Variants in PLLP observed in about 807,000 individuals in gnomAD.
PLLP encodes plasma membrane proteolipid (plasmolipin).
A neutral mutation model predicts 19.7 loss-of-function variants in PLLP; 15 were observed. The ratio of observed to expected loss-of-function variants is 0.76; its 90% confidence interval spans 0.51 to 1.17. The LOEUF (loss-of-function observed/expected upper bound fraction) is 1.17. PLLP is among the 50% of genes most tolerant of loss of function. The pLI, the probability that PLLP is intolerant of heterozygous loss-of-function variation, is 0.00. For synonymous variants in PLLP, 111 were observed against 116.3 expected (o/e 0.95, Z 0.29); for missense variants, 255 against 258.3 (o/e 0.99, Z 0.09).
chr16:57,261,209 T>G (rs2075440804), intron 2 of PLLP, among the ~76,000 whole-genome samples: 1 of 152,050 alleles, frequency 6.6e-6, no homozygotes, highest in African/African-American at 2.4e-5. Flanking sequence ...TTCACCATAT[T>G]GGTCAGGCTG....
intron 1 of PLLP, among the ~76,000 whole-genome samples, chr16:57,281,923 C>T (rs1360854576): frequency 6.6e-6 from 1 of 152,216 alleles, no homozygotes; most frequent in Non-Finnish European, 1.5e-5. Flanking sequence ...GAGCCCACTT[C>T]CCTCACACCC....
At chr16:57,277,889 C>T (rs1384725350) in intron 1 of PLLP, among the ~76,000 whole-genome samples, 3 of 152,160 alleles carry the variant, frequency 2.0e-5, no homozygotes, top group Non-Finnish European at 4.4e-5. Flanking sequence ...CTTGATTACC[C>T]TTTCTACTAT....
Position 57,284,526 on chromosome 16 carries a change from C to G in PLLP, c.15G>C (p.Pro5=), listed in dbSNP as rs779713777. 2.0e-5 allele frequency: 28 copies of G among 1,386,370 alleles called. No individual in the cohort carries two copies. The highest frequency in any genetic ancestry group is 2.5e-5 in the Non-Finnish European group (27 of 1,060,170). 85.9% of individuals were successfully genotyped at this position (1,386,370 alleles called of 1,614,324 possible). Reference sequence around the variant, plus strand: ...TGCTGGTCCGCGTGCTAACTTTCGACGGGAACTCGGCCATGGCGGCTCCGC... The same window carrying G: ...TGCTGGTCCGCGTGCTAACTTTCGAGGGGAACTCGGCCATGGCGGCTCCGC... MAEF[P]SKVSTRTSSP... Residue 5 remains proline, a synonymous_variant, in exon 1 of 4, where the codon CCG becomes CCC. Coordinates refer to ENST00000219207, the MANE Select transcript of PLLP (RefSeq NM_015993.3).
chr16:57,274,708 C>T (rs1321188397), intron 1 of PLLP, among the ~76,000 whole-genome samples: 1 of 151,710 alleles, frequency 6.6e-6, no homozygotes, highest in African/African-American at 2.4e-5. Context: ...CTGCCTCGGC[C>T]TCCCAAAATG....
At chr16:57,263,700 C>G (rs1365632874) in intron 1 of PLLP, among the ~76,000 whole-genome samples, 1 of 145,376 alleles carries the variant, frequency 6.9e-6, no homozygotes, top group East Asian at 2.1e-4. Context: ...ATGTGGCCAT[C>G]CTGGGCCTCC....
intron 1 of PLLP, among the ~76,000 whole-genome samples, chr16:57,265,832 A>G (rs909224745): frequency 1.6e-4 from 24 of 152,306 alleles, no homozygotes; most frequent in African/African-American, 5.8e-4. Context: ...GTTCGAAACC[A>G]GCCTGGACAA....
intron 1 of PLLP, among the ~76,000 whole-genome samples, chr16:57,283,013 G>A (rs1901237883): frequency 6.6e-6 from 1 of 152,084 alleles, no homozygotes; most frequent in Non-Finnish European, 1.5e-5. Flanking sequence ...CGGTGGCGGG[G>A]TCAGTGGCTC....
chr16:57,271,333 C>T (rs568660815), intron 1 of PLLP, among the ~76,000 whole-genome samples: 109 of 152,130 alleles, frequency 7.2e-4, no homozygotes, highest in African/African-American at 2.4e-3. Context: ...CTGTGAGGTC[C>T]CCGCTTAGGG....
chr16:57,262,609 C>G (rs968675947), intron 1 of PLLP, among the ~76,000 whole-genome samples: 3 of 151,980 alleles, frequency 2.0e-5, no homozygotes, highest in Non-Finnish European at 4.4e-5. Flanking sequence ...GTGGTGCGCA[C>G]CTGTGGTCCC....
intron 1 of PLLP, among the ~76,000 whole-genome samples, chr16:57,269,910 T>G (rs541884703): frequency 6.6e-6 from 1 of 152,180 alleles, no homozygotes; most frequent in South Asian, 2.1e-4. Context: ...GGATTACAGG[T>G]GCGTGCCACC....
intron 1 of PLLP, among the ~76,000 whole-genome samples, chr16:57,267,123 C>T (rs72778736): frequency 0.19 from 29,670 of 152,188 alleles, 3,629 homozygotes; most frequent in South Asian, 0.35. Context: ...GCTGCCAACA[C>T]TGACAGCCAG....
At position 57,258,463 on chromosome 16, in the gene PLLP, G is replaced by A. The variant is rs754274845; in HGVS notation, c.431C>T (p.Ser144Leu). 36 of 1,609,852 alleles carry A rather than the reference G, an allele frequency of 2.2e-5. No individual in the cohort carries two copies. Among genetic ancestry groups the A allele is most frequent in the Non-Finnish European group, 2.9e-5 (34 of 1,179,792 alleles). The change falls in exon 3 of 4, where the codon TCG (serine) becomes TTG (leucine). Residue 144 changes from serine to leucine, a missense_variant and splice_region_variant. Ser to Leu is a moderately radical substitution (Grantham distance 145, BLOSUM62 -2). Coordinates refer to ENST00000219207, the MANE Select transcript of PLLP (RefSeq NM_015993.3). ...AGGGAGCCTGGGAAGCAGACTCACC[G>A]AGGCAGCCGCGCGCTGGTTATAAGG... ...TRPYNQRAAASFFACLVMIAY... is the reference protein window; with the variant it reads ...TRPYNQRAAALFFACLVMIAY...
At position 57,284,425 on chromosome 16, in the gene PLLP, G is replaced by A. The variant is rs1364184526; in HGVS notation, c.116C>T (p.Ala39Val). 2.1e-6 allele frequency: 3 copies of A among 1,423,388 alleles called. No individual in the cohort carries two copies. Among genetic ancestry groups the A allele is most frequent in the Non-Finnish European group, 2.8e-6 (3 of 1,087,194 alleles). 88.2% of individuals were successfully genotyped at this position (1,423,388 alleles called of 1,614,324 possible). ...DLGFVRSRLG[A>V]LMLLQLVLGL... ...TCTCACCAGCTGCAGCAGCATGAGC[G>A]CCCCGAGGCGGGAGCGCACGAAGCC... Residue 39 changes from alanine (A) to valine (V), a missense_variant, in exon 1 of 4, where the codon GCG (alanine) becomes GTG (valine). Physicochemically the swap from Ala to Val is moderately conservative, Grantham distance 64. Transcript: ENST00000219207.
At chr16:57,269,797 G>A (rs1455696843) in intron 1 of PLLP, among the ~76,000 whole-genome samples, 5 of 152,036 alleles carry the variant, frequency 3.3e-5, no homozygotes, top group Admixed American at 6.6e-5. Flanking sequence ...ATGGAGTCTC[G>A]CTTTGTTGCC....
chr16:57,259,975 T>C (rs1334435031), intron 2 of PLLP, among the ~76,000 whole-genome samples: 8 of 112,442 alleles, frequency 7.1e-5, no homozygotes, highest in Non-Finnish European at 1.5e-4. Flanking sequence ...GGACTTTGTC[T>C]AAAAAAAAAA....
intron 1 of PLLP, among the ~76,000 whole-genome samples, chr16:57,274,214 C>T (rs1312100780): frequency 1.3e-5 from 2 of 152,060 alleles, no homozygotes; most frequent in Non-Finnish European, 2.9e-5. Flanking sequence ...AACTCCTAGG[C>T]TCAAGTGATC....
intron 1 of PLLP, among the ~76,000 whole-genome samples, chr16:57,282,139 G>A (rs1397806925): frequency 6.7e-6 from 1 of 149,350 alleles, no homozygotes; most frequent in Non-Finnish European, 1.5e-5. Context: ...CAAGACCCTT[G>A]CGGCCCACAG....
At chr16:57,258,920 C>CAAAAAAA (rs59321788) in intron 2 of PLLP, among the ~76,000 whole-genome samples, 1 of 40,248 alleles carries the variant, frequency 2.5e-5, no homozygotes, top group African/African-American at 1.0e-4. Context: ...GATCCTGTCT[C>CAAAAAAA]AAAAAAAAAA....
intron 1 of PLLP, among the ~76,000 whole-genome samples, chr16:57,272,919 T>G (rs1356160797): frequency 6.6e-6 from 1 of 151,352 alleles, no homozygotes; most frequent in East Asian, 1.9e-4. Context: ...ATCACACTAC[T>G]GCACTCCAGC....
Sources: allele counts gnomAD v4.1 joint callset (sites outside exome capture counted in the v4.1 genomes callset), GRCh38; gene constraint gnomAD v4.1.1; transcripts MANE v1.5; gene names NCBI Gene and HGNC (gene_info 2026-07-23, HGNC 2026-07-21).